EZR: variants seen among roughly 807,000 people sequenced by gnomAD.
The protein encoded by EZR is ezrin.
A neutral mutation model predicts 74.8 loss-of-function variants in EZR; 40 were observed. The observed-to-expected ratio is 0.53, with a 90% CI of 0.42 to 0.70. The LOEUF is 0.70. Ranked by LOEUF, EZR falls within the 30% of genes least tolerant of loss-of-function variation. EZR has a pLI of 0.00. For synonymous variants in EZR, 341 were observed against 283.3 expected (o/e 1.20, Z -2.05); for missense variants, 678 against 755.8 (o/e 0.90, Z 1.21).
At chr6:158,788,664 AC>A (rs1314576787) in intron 3 of EZR, among the ~76,000 whole-genome samples, 17 of 149,226 alleles carry the variant, frequency 1.1e-4, no homozygotes, top group Non-Finnish European at 2.1e-4. Context: ...AAAAAAAAAA[AC>A]AACGCTGTAT....
rs1451462144 is a variant in EZR, at chr6:158,769,665, CCAG to C, written c.1251+116_1251+118del. 1.9e-4 allele frequency: 266 copies of C among 1,424,000 alleles called. 1 individual carries two copies. Among genetic ancestry groups the C allele is most frequent in the Middle Eastern group, 5.4e-4 (3 of 5,540 alleles). 88.2% of individuals were successfully genotyped at this position (1,424,000 alleles called of 1,614,324 possible). A position where few individuals can be genotyped will look rare whatever the true frequency, so the allele number is the denominator to read the frequency against. ...TTCCCCACCAGCTGCCTTCAGCCCCCCAGCAGATCAGTTTACAGCTTCCAGTCA... is the reference window on the plus strand; with the variant it reads ...TTCCCCACCAGCTGCCTTCAGCCCCCCAGATCAGTTTACAGCTTCCAGTCA... On this transcript the variant is annotated intron_variant, in intron 11 of 13. Coordinates refer to ENST00000367075, the MANE Select transcript of EZR (RefSeq NM_001111077.2).
chr6:158,796,973 A>T (rs1422535919), intron 2 of EZR, among the ~76,000 whole-genome samples: 1 of 152,232 alleles, frequency 6.6e-6, no homozygotes, highest in African/African-American at 2.4e-5. Context: ...TGACAATCAA[A>T]TTTTGTATTT....
intron 2 of EZR, among the ~76,000 whole-genome samples, chr6:158,817,403 G>A (rs6901094): frequency 0.05 from 7,572 of 152,208 alleles, 255 homozygotes; most frequent in African/African-American, 0.088. Context: ...CGCAGGCACA[G>A]CCCTTTCATC....
At chr6:158,789,562 T>A in intron 2 of EZR, 191 bp from the exon 3 acceptor site, 1 of 739,266 alleles carries the variant, frequency 1.4e-6, no homozygotes, top group Non-Finnish European at 2.5e-6. Flanking sequence ...AGGCACACAG[T>A]GCAAACCAAA....
chr6:158,786,353 G>T (rs551306619), intron 4 of EZR, among the ~76,000 whole-genome samples: 2 of 152,184 alleles, frequency 1.3e-5, no homozygotes, highest in Non-Finnish European at 2.9e-5. Flanking sequence ...CAGCCTGGGC[G>T]ACAGAGCAAG....
chr6:158,789,652 C>G (rs1791681165), intron 2 of EZR: 2 of 515,860 alleles, frequency 3.9e-6, no homozygotes, highest in Non-Finnish European at 7.6e-6. Flanking sequence ...CAGGCTCTTG[C>G]TCTGTCACCC....
chr6:158,786,957 C>T (rs1791598321), intron 4 of EZR, 151 bp downstream of exon 4: 2 of 607,306 alleles, frequency 3.3e-6, no homozygotes, highest in Non-Finnish European at 5.9e-6. Flanking sequence ...TCTCCATTTA[C>T]TGGAAACCTG....
At chr6:158,817,077 T>G (rs777406497) in intron 2 of EZR, among the ~76,000 whole-genome samples, 3 of 151,948 alleles carry the variant, frequency 2.0e-5, no homozygotes, top group Non-Finnish European at 2.9e-5. Flanking sequence ...AGAGAGAGAC[T>G]CCGCTCCCCC....
At chr6:158,813,773 T>C (rs151335731) in intron 2 of EZR, among the ~76,000 whole-genome samples, 1 of 152,350 alleles carries the variant, frequency 6.6e-6, no homozygotes, top group African/African-American at 2.4e-5. Flanking sequence ...TGCTTTTGTA[T>C]TAGAAATGTC....
chr6:158,767,061 C>G lies in EZR; in HGVS notation c.1614G>C (p.Leu538=). Residue 538 remains leucine, a synonymous_variant, in exon 14 of 14, where the codon CTG becomes CTC. Coordinates refer to ENST00000367075, the MANE Select transcript of EZR (RefSeq NM_001111077.2). Reference sequence around the variant, plus strand: ...TCTTATTCTCATCTCGGGCCTGGGACAGCTCGCTGCTCAGCGTCTGTAACA... The same window carrying G: ...TCTTATTCTCATCTCGGGCCTGGGAGAGCTCGCTGCTCAGCGTCTGTAACA... ...QRQLLTLSSE[L]SQARDENKRT... is the part of the protein sequence containing the mutation. 6.2e-7 allele frequency: 1 copy of G among 1,614,220 alleles called. No homozygotes were observed. Among genetic ancestry groups the G allele is most frequent in the Non-Finnish European group, 8.5e-7 (1 of 1,180,038 alleles).
chr6:158,797,710 T>C (rs528420594), intron 2 of EZR, among the ~76,000 whole-genome samples: 23 of 152,318 alleles, frequency 1.5e-4, no homozygotes, highest in Admixed American at 2.0e-4. Flanking sequence ...TTACAACCAA[T>C]GATAAATGAA....
chr6:158,785,692 G>A (rs1283119681), intron 4 of EZR, 109 bp from the exon 5 acceptor site: 4 of 1,355,562 alleles, frequency 3.0e-6, no homozygotes, highest in Non-Finnish European at 4.0e-6. Flanking sequence ...CCAGTTTTCA[G>A]GAGATATTTA....
chr6:158,781,013 T>G (rs1791419289), intron 7 of EZR, among the ~76,000 whole-genome samples: 1 of 152,226 alleles, frequency 6.6e-6, no homozygotes, highest in Non-Finnish European at 1.5e-5. Context: ...GGTGTTTTAA[T>G]AGAGACTTTA....
At chr6:158,769,141 T>C (rs549364777) in intron 12 of EZR, among the ~76,000 whole-genome samples, 185 bp downstream of exon 12, 1 of 152,304 alleles carries the variant, frequency 6.6e-6, no homozygotes, top group South Asian at 2.1e-4. Context: ...TCTTTGGGGA[T>C]GTCTACTTCA....
At chr6:158,799,177 C>T (rs1487241579) in intron 2 of EZR, among the ~76,000 whole-genome samples, 1 of 152,122 alleles carries the variant, frequency 6.6e-6, no homozygotes, top group Non-Finnish European at 1.5e-5. Flanking sequence ...TATATGCAGC[C>T]ATTCACAGGC....
rs180845727 is a variant in EZR at position 158,814,793 on chromosome 6, G to A, written c.12+3289C>T. ...CTTGACCTTGTGATCCGCCCACCTC[G>A]GCCTCCCAAAGTGCTGGGATTACTG... is the stretch of plus-strand genomic sequence containing the variant. On this transcript the variant is annotated intron_variant, in intron 2 of 13. Transcript: ENST00000367075. Among the ~76,000 whole-genome samples the A allele has an allele frequency of 4.4e-4, 67 of 152,080 alleles. 1 individual carries two copies. Among genetic ancestry groups the A allele is most frequent in the Admixed American group, 4.2e-3 (64 of 15,282 alleles).
intron 2 of EZR, among the ~76,000 whole-genome samples, chr6:158,796,929 T>G (rs749283572): frequency 2.0e-5 from 3 of 152,238 alleles, no homozygotes; most frequent in Non-Finnish European, 2.9e-5. Context: ...TAAAATGCCT[T>G]CTAAGAGTGT....
At chr6:158,786,062 C>A (rs1791572650) in intron 4 of EZR, among the ~76,000 whole-genome samples, 1 of 145,788 alleles carries the variant, frequency 6.9e-6, no homozygotes, top group South Asian at 2.2e-4. Flanking sequence ...TCTTAAAAAA[C>A]AACAACAAAC....
intron 2 of EZR, among the ~76,000 whole-genome samples, chr6:158,793,963 C>A (rs1352590054): frequency 6.6e-6 from 1 of 152,140 alleles, no homozygotes; most frequent in Non-Finnish European, 1.5e-5. Flanking sequence ...GTCTACTTAT[C>A]CAAGGGCTTG....
Sources: allele counts gnomAD v4.1 joint callset (sites outside exome capture counted in the v4.1 genomes callset), GRCh38; gene constraint gnomAD v4.1.1; transcripts MANE v1.5; gene names NCBI Gene and HGNC (gene_info 2026-07-23, HGNC 2026-07-21).